The following HERC2 variants were observed in gnomAD, a reference collection of about 807,000 sequenced individuals.
HERC2 encodes the protein E3 ubiquitin-protein ligase HERC2.
A neutral mutation model predicts 537.7 loss-of-function variants in HERC2; 102 were observed. The ratio of observed to expected loss-of-function variants is 0.19; its 90% confidence interval spans 0.16 to 0.22. The LOEUF (loss-of-function observed/expected upper bound fraction) is 0.22, where lower values mean the gene tolerates loss of function less well. Among genes scored for constraint, HERC2 ranks in the 10% least tolerant of loss-of-function variants. HERC2 has a pLI of 1.00. For synonymous variants in HERC2, 2,224 were observed against 2,466.2 expected (o/e 0.90, Z 2.91); for missense variants, 4,236 against 6,198.2 (o/e 0.68, Z 10.63).
At chr15:28,230,594 C>T (rs2640361) in intron 30 of HERC2, 94 bp from the exon 31 acceptor site, 6 of 873,064 alleles carry the variant, frequency 6.9e-6, no homozygotes, top group Non-Finnish European at 7.2e-6. Context: ...GGACAAATAT[C>T]TCATTCAAAT....
chr15:28,264,408 A>G (rs1399559227), intron 14 of HERC2, among the ~76,000 whole-genome samples: 2 of 152,224 alleles, frequency 1.3e-5, no homozygotes, highest in Non-Finnish European at 2.9e-5. Flanking sequence ...ACCTGAACAC[A>G]GAGATCGGAG....
At chr15:28,271,269 C>T (rs2075719805) in intron 9 of HERC2, among the ~76,000 whole-genome samples, 1 of 152,234 alleles carries the variant, frequency 6.6e-6, no homozygotes, top group Non-Finnish European at 1.5e-5. Flanking sequence ...TTAATCTAAA[C>T]GTTGCCCACT....
At chr15:28,319,662 C>T (rs1257107980) in intron 2 of HERC2, among the ~76,000 whole-genome samples, 2 of 143,960 alleles carry the variant, frequency 1.4e-5, no homozygotes, top group African/African-American at 2.6e-5. Context: ...GTGTATTAAA[C>T]TTAATAAATC....
chr15:28,308,176 A>G (rs895763454), intron 2 of HERC2, among the ~76,000 whole-genome samples: 9 of 152,204 alleles, frequency 5.9e-5, no homozygotes, highest in South Asian at 2.1e-4. Flanking sequence ...TGATTCTTCC[A>G]ATCCATGAAG....
chr15:28,196,999 G>A (rs1337056347), intron 50 of HERC2, among the ~76,000 whole-genome samples: 3 of 152,284 alleles, frequency 2.0e-5, no homozygotes, highest in African/African-American at 4.8e-5. Flanking sequence ...TAAGAGCAAC[G>A]TGTCACTCAA....
intron 2 of HERC2, among the ~76,000 whole-genome samples, chr15:28,305,285 C>T (rs1322633621): frequency 3.3e-5 from 5 of 152,146 alleles, no homozygotes; most frequent in Admixed American, 1.3e-4. Flanking sequence ...CCTGAGGAAT[C>T]GCCACACTGA....
intron 78 of HERC2, among the ~76,000 whole-genome samples, chr15:28,138,044 C>T (rs1890826055): frequency 6.6e-6 from 1 of 151,152 alleles, no homozygotes; most frequent in African/African-American, 2.5e-5. Context: ...CAAAGCTAAT[C>T]CAGAGCTTGC....
intron 44 of HERC2, among the ~76,000 whole-genome samples, chr15:28,210,068 T>G (rs923668689): frequency 2.0e-5 from 3 of 150,332 alleles, no homozygotes; most frequent in African/African-American, 7.3e-5. Flanking sequence ...TTCAAGTGAT[T>G]CTCCTGCCTC....
rs1171489357 is a variant in HERC2, at chr15:28,196,553, T to C, written c.8028A>G (p.Gly2676=). 2 of 1,610,896 alleles carry C rather than the reference T, an allele frequency of 1.2e-6. No homozygotes were observed. The highest frequency in any genetic ancestry group is 1.7e-6 in the Non-Finnish European group (2 of 1,177,116). ...VGVVKAFSAN[G]KDIIVDFPQQ... Reference sequence around the variant, plus strand: ...GGGGAAAGTCGACAATGATATCTTTTCCATTGGCACTGAAAGCTAGGACAG... The same window carrying C: ...GGGGAAAGTCGACAATGATATCTTTCCCATTGGCACTGAAAGCTAGGACAG... The change falls in exon 51 of 93, where the codon GGA becomes GGG. Residue 2676 remains glycine, a synonymous_variant. Coordinates refer to ENST00000261609, the MANE Select transcript of HERC2 (RefSeq NM_004667.6).
Position 28,228,275 on chromosome 15 carries a change from C to T in HERC2, c.5407G>A (p.Asp1803Asn), listed in dbSNP as rs758706329. 1.2e-5 allele frequency: 20 copies of T among 1,613,344 alleles called. No homozygotes were observed. In the Admixed American group the frequency reaches 1.3e-4, roughly 11 times the overall value. ...AGCATGCCGGAATTGAGCAGAAGGT[C>T]GAGGTTGTTTGCGCCGTGCTGCAGG... ...LTLQHGANNL[D>N]LLLNSGMLAL... is the part of the protein sequence containing the mutation. The change falls in exon 35 of 93, where the codon GAC (aspartate) becomes AAC (asparagine). Residue 1803 changes from aspartate (D) to asparagine (N), a missense_variant. Asp to Asn is a conservative substitution (Grantham distance 23, BLOSUM62 1). Coordinates refer to ENST00000261609, the MANE Select transcript of HERC2 (RefSeq NM_004667.6).
chr15:28,143,041 GT>G, intron 74 of HERC2, 89 bp from the exon 75 acceptor site: 1 of 1,260,620 alleles, frequency 7.9e-7, no homozygotes, highest in Non-Finnish European at 1.1e-6. Flanking sequence ...GTTTTATTAT[GT>G]TGGTACTAAC....
intron 2 of HERC2, chr15:28,320,505 A>G (rs1043564493): frequency 6.6e-6 from 1 of 151,898 alleles, no homozygotes; most frequent in African/African-American, 2.4e-5. Context: ...GGGCAATAAC[A>G]CTTCAGTGTA....
intron 88 of HERC2, among the ~76,000 whole-genome samples, chr15:28,115,996 C>T (rs7180054): frequency 0.97 from 146,955 of 152,196 alleles, 71,066 homozygotes; most frequent in Non-Finnish European, 0.99. Flanking sequence ...CAGATAAACA[C>T]TGAAGATGCA....
intron 83 of HERC2, among the ~76,000 whole-genome samples, chr15:28,125,923 G>A (rs1054766638): frequency 1.1e-4 from 17 of 152,238 alleles, no homozygotes; most frequent in African/African-American, 4.1e-4. Context: ...GCGATTCTCC[G>A]GCCTCAGCCT....
At chr15:28,248,118 T>C (rs773003600) in intron 21 of HERC2, among the ~76,000 whole-genome samples, 5 of 152,156 alleles carry the variant, frequency 3.3e-5, no homozygotes, top group Non-Finnish European at 5.9e-5. Flanking sequence ...TGGTCTAATG[T>C]CTAAACTATT....
rs886348425 is a variant in HERC2, at chr15:28,233,775, T to C, written c.4240A>G (p.Arg1414Gly). 1.2e-6 allele frequency: 2 copies of C among 1,612,380 alleles called. No homozygotes were observed. The highest frequency in any genetic ancestry group is 1.7e-6 in the Non-Finnish European group (2 of 1,179,582). Residue 1414 changes from arginine to glycine, a missense_variant, in exon 28 of 93, where the codon AGG (arginine) becomes GGG (glycine). By Grantham distance (125) the Arg-to-Gly change is moderately radical. Coordinates refer to ENST00000261609, the MANE Select transcript of HERC2 (RefSeq NM_004667.6). ...GTCAAATGGCACTGCCTACAGTACCTTTCTATTTGACACAAAAAGTCCTGC... is the reference window on the plus strand; with the variant it reads ...GTCAAATGGCACTGCCTACAGTACCCTTCTATTTGACACAAAAAGTCCTGC... ...NVKDFLCQIE[R>G]YCRQCHLTTP...
chr15:28,217,441 C>T lies in HERC2; in HGVS notation c.6028+1048G>A, dbSNP rs375075181. 9.7e-4 allele frequency among the ~76,000 whole-genome samples: 147 copies of T among 152,270 alleles called. 4 individuals carry two copies. The South Asian group carries it at 0.03, about 31-fold the overall frequency. On this transcript the variant is annotated intron_variant, in intron 38 of 92. Coordinates refer to ENST00000261609, the MANE Select transcript of HERC2 (RefSeq NM_004667.6). Reference sequence around the variant, plus strand: ...ACACACTCACTCTCATCAATATGTGCGGACGCTCCAGCACACCACTAATAC... The same window carrying T: ...ACACACTCACTCTCATCAATATGTGTGGACGCTCCAGCACACCACTAATAC...
intron 57 of HERC2, among the ~76,000 whole-genome samples, chr15:28,182,118 G>C (rs775885411): frequency 6.6e-6 from 1 of 152,106 alleles, no homozygotes; most frequent in Non-Finnish European, 1.5e-5. Flanking sequence ...GTTTATTGTA[G>C]GGAAGGCAAG....
intron 78 of HERC2, among the ~76,000 whole-genome samples, chr15:28,137,231 C>G (rs1890739213): frequency 6.6e-6 from 1 of 152,176 alleles, no homozygotes; most frequent in Non-Finnish European, 1.5e-5. Context: ...GGCTATATTT[C>G]AAACCTTTTT....
Sources: allele counts gnomAD v4.1 joint callset (sites outside exome capture counted in the v4.1 genomes callset), GRCh38; gene constraint gnomAD v4.1.1; transcripts MANE v1.5; gene names NCBI Gene and HGNC (gene_info 2026-07-23, HGNC 2026-07-21).